The following LRRC8C variants were observed in gnomAD, a reference collection of about 807,000 sequenced individuals.
The protein encoded by LRRC8C is leucine rich repeat containing 8 VRAC subunit C, also known as volume-regulated anion channel subunit LRRC8C.
A neutral mutation model predicts 55.3 loss-of-function variants in LRRC8C; 20 were observed. That is an observed-to-expected ratio of 0.36 (90% confidence interval 0.25 to 0.53). LRRC8C has a LOEUF of 0.53. Ranked by LOEUF, LRRC8C falls within the 20% of genes least tolerant of loss-of-function variation. LRRC8C has a pLI of 0.92. For missense variants in LRRC8C, 659 were observed against 951.4 expected, an observed-to-expected ratio of 0.69 and a Z score of 4.04; for synonymous variants, 376 against 360.7, an observed-to-expected ratio of 1.04 and a Z score of -0.48.
intron 1 of LRRC8C, among the ~76,000 whole-genome samples, chr1:89,650,788 A>G (rs1656751699): frequency 6.6e-6 from 1 of 152,222 alleles, no homozygotes; most frequent in Admixed American, 6.5e-5. Context: ...TGGGTTCTAC[A>G]CTTCCACACT....
chr1:89,645,533 G>A (rs182082782), intron 1 of LRRC8C, among the ~76,000 whole-genome samples: 1 of 152,266 alleles, frequency 6.6e-6, no homozygotes, highest in East Asian at 1.9e-4. Flanking sequence ...TATACCACAA[G>A]CAGGTTAAGT....
At chr1:89,665,247 T>G (rs1190139984) in intron 1 of LRRC8C, among the ~76,000 whole-genome samples, 1 of 152,246 alleles carries the variant, frequency 6.6e-6, no homozygotes, top group Non-Finnish European at 1.5e-5. Flanking sequence ...GCCCGTTCAT[T>G]ATGATATTGG....
At chr1:89,672,348 A>G (rs778919170) in intron 1 of LRRC8C, among the ~76,000 whole-genome samples, 8 of 152,186 alleles carry the variant, frequency 5.3e-5, no homozygotes, top group Non-Finnish European at 1.2e-4. Flanking sequence ...GTTGTGTGTC[A>G]TTGTTTACTG....
At chr1:89,695,211 C>T (rs936971946) in intron 2 of LRRC8C, among the ~76,000 whole-genome samples, 26 of 152,260 alleles carry the variant, frequency 1.7e-4, no homozygotes, top group African/African-American at 5.8e-4. Context: ...CATGAACCAC[C>T]GCGCCCGGCC....
chr1:89,686,338 A>G, intron 1 of LRRC8C, 132 bp from the exon 2 acceptor site: 1 of 859,140 alleles, frequency 1.2e-6, no homozygotes, highest in Non-Finnish European at 1.8e-6. Context: ...GCTCATCAAA[A>G]CATTGATGTG....
chr1:89,713,303 G>C lies in LRRC8C; in HGVS notation c.733G>C (p.Val245Leu), dbSNP rs1420699320. 1 of 1,614,220 alleles carries C rather than the reference G, an allele frequency of 6.2e-7. No individual in the cohort carries two copies. Among genetic ancestry groups the C allele is most frequent in the Admixed American group, 1.7e-5 (1 of 60,024 alleles). Residue 245 changes from valine (V) to leucine (L), a missense_variant, in exon 3 of 3, where the codon GTG becomes CTG. This residue lies in a region of LRRC8C where 200 missense variants were observed against 360.5 expected (regional missense o/e 0.55). Coordinates refer to ENST00000370454, the MANE Select transcript of LRRC8C (RefSeq NM_032270.5). This position sits in a 1 kb window ranked among gnomAD's most constrained non-coding sequence, Gnocchi z 5.2. The stretch of plus-strand genomic sequence containing the variant: ...GCAGGCTAAGGCCTTATTTGAGAAG[G>C]TGAAGAAGTTCAGGCTGCATGTGGA... ...GEQAKALFEK[V>L]KKFRLHVEEG...
chr1:89,708,588 TGAC>T (rs910850428), intron 2 of LRRC8C: 2 of 151,250 alleles, frequency 1.3e-5, no homozygotes, highest in Non-Finnish European at 2.9e-5. Context: ...AAGAAGAAGA[TGAC>T]GAAGAAGAAG....
Position 89,712,899 on chromosome 1 carries a change from T to G in LRRC8C, c.329T>G (p.Phe110Cys). The G allele has an allele frequency of 6.2e-7, 1 of 1,614,116 alleles. No homozygotes were observed. Among genetic ancestry groups the G allele is most frequent in the Non-Finnish European group, 8.5e-7 (1 of 1,180,032 alleles). The change falls in exon 3 of 3, where the codon TTT becomes TGT. Residue 110 changes from phenylalanine (F) to cysteine (C), a missense_variant. Phe to Cys is a radical substitution (Grantham distance 205). This residue lies in a region of LRRC8C where 200 missense variants were observed against 360.5 expected (regional missense o/e 0.55). Coordinates refer to ENST00000370454, the MANE Select transcript of LRRC8C (RefSeq NM_032270.5). ...GATTTGGACCTTCAGCAGTACAGCT[T>G]TATAAATCAGATGTGTTATGAGCGA... ...KTDLDLQQYS[F>C]INQMCYERAL...
intron 2 of LRRC8C, among the ~76,000 whole-genome samples, chr1:89,691,858 AAG>A (rs1475463955): frequency 6.6e-6 from 1 of 152,258 alleles, no homozygotes; most frequent in African/African-American, 2.4e-5. Flanking sequence ...AAATGATAAA[AAG>A]AGAAAATCGT....
chr1:89,675,524 G>T (rs1657526341), intron 1 of LRRC8C, among the ~76,000 whole-genome samples: 1 of 152,136 alleles, frequency 6.6e-6, no homozygotes, highest in South Asian at 2.1e-4. Context: ...TTGTTCAAGG[G>T]GTAAAACTGG....
At chr1:89,691,929 T>C (rs1377769207) in intron 2 of LRRC8C, among the ~76,000 whole-genome samples, 1 of 152,208 alleles carries the variant, frequency 6.6e-6, no homozygotes, top group African/African-American at 2.4e-5. Flanking sequence ...ATTCACTATA[T>C]ACCTGCTATT....
intron 1 of LRRC8C, among the ~76,000 whole-genome samples, chr1:89,654,928 G>A (rs1570698541): frequency 8.3e-6 from 1 of 120,816 alleles, no homozygotes; most frequent in Non-Finnish European, 1.6e-5. Flanking sequence ...GACTGGATTT[G>A]AACTCCTAGG....
At chr1:89,676,732 G>A (rs532740772) in intron 1 of LRRC8C, among the ~76,000 whole-genome samples, 16 of 152,262 alleles carry the variant, frequency 1.1e-4, no homozygotes, top group South Asian at 4.1e-4. Flanking sequence ...CTGTAACAAC[G>A]TCTTTAAATG....
intron 1 of LRRC8C, among the ~76,000 whole-genome samples, chr1:89,675,556 C>G (rs1272484244): frequency 6.6e-6 from 1 of 152,238 alleles, no homozygotes; most frequent in East Asian, 1.9e-4. Context: ...ACCTCAGTCT[C>G]TTTCTGTACA....
intron 2 of LRRC8C, among the ~76,000 whole-genome samples, chr1:89,694,401 TG>T (rs1658107902): frequency 6.6e-6 from 1 of 152,066 alleles, no homozygotes; most frequent in Non-Finnish European, 1.5e-5. Context: ...GATGTCCACT[TG>T]GGGGTTTCTA....
intron 1 of LRRC8C, among the ~76,000 whole-genome samples, chr1:89,653,239 G>A (rs1308145194): frequency 6.6e-6 from 1 of 152,202 alleles, no homozygotes; most frequent in Non-Finnish European, 1.5e-5. Context: ...GCTCAGAAAT[G>A]TAAATCTGAT....
At chr1:89,638,723 T>TGTCAA (rs1465440667) in intron 1 of LRRC8C, among the ~76,000 whole-genome samples, 1 of 152,102 alleles carries the variant, frequency 6.6e-6, no homozygotes, top group African/African-American at 2.4e-5. Flanking sequence ...AGTCCCAATT[T>TGTCAA]TACATTGACA....
chr1:89,685,274 G>A (rs929943578), intron 1 of LRRC8C, among the ~76,000 whole-genome samples: 38 of 125,808 alleles, frequency 3.0e-4, no homozygotes, highest in South Asian at 3.0e-3. Flanking sequence ...GCCCGCCACC[G>A]CGCCCGGCTA....
intron 1 of LRRC8C, among the ~76,000 whole-genome samples, chr1:89,644,327 A>G (rs1055569292): frequency 6.6e-6 from 1 of 152,182 alleles, no homozygotes; most frequent in Non-Finnish European, 1.5e-5. Flanking sequence ...GGCACGTGCC[A>G]CCGCACCCGG....
Sources: gnomAD v4.1 joint callset for allele counts (sites outside exome capture counted in the v4.1 genomes callset) on GRCh38, gnomAD v4.1.1 for gene constraint, gnomAD v4.1.1 regional missense constraint, Gnocchi (gnomAD v3.1) non-coding constraint, MANE v1.5 for transcripts, NCBI Gene and HGNC (gene_info 2026-07-23, HGNC 2026-07-21) for gene names.